Variants in MMP26 observed in about 807,000 individuals in gnomAD.
The protein encoded by MMP26 is matrix metalloproteinase-26.
MMP26 carries 33 observed loss-of-function variants against 31.0 expected under a neutral mutation model. The ratio of observed to expected loss-of-function variants is 1.06; its 90% CI spans 0.81 to 1.42. The LOEUF (loss-of-function observed/expected upper bound fraction) is 1.42. Ranked by LOEUF, MMP26 falls within the 40% of genes most tolerant of loss-of-function variation. MMP26 has a pLI of 0.00. For missense variants in MMP26, 347 were observed against 316.1 expected (o/e 1.10, Z -0.74); for synonymous variants, 122 against 114.9 (o/e 1.06, Z -0.40).
At chr11:4,713,427 C>G (rs941862447) in intron 1 of MMP26, among the ~76,000 whole-genome samples, 1 of 152,134 alleles carries the variant, frequency 6.6e-6, no homozygotes, top group Non-Finnish European at 1.5e-5. Context: ...ACACTCTGTG[C>G]TCCATTGTCT....
intron 2 of MMP26, among the ~76,000 whole-genome samples, chr11:4,778,783 T>A (rs1355168141): frequency 6.6e-6 from 1 of 152,122 alleles, no homozygotes; most frequent in Non-Finnish European, 1.5e-5. Flanking sequence ...TGATGATTAA[T>A]AGTTTTTTCT....
chr11:4,906,817 G>T (rs902087968), intron 2 of MMP26, among the ~76,000 whole-genome samples: 10 of 152,108 alleles, frequency 6.6e-5, no homozygotes, highest in African/African-American at 2.4e-4. Flanking sequence ...AGGGCCAGAT[G>T]CAGTGGCTCA....
chr11:4,739,034 T>C (rs1848279115), intron 1 of MMP26, among the ~76,000 whole-genome samples: 2 of 152,196 alleles, frequency 1.3e-5, no homozygotes, highest in Admixed American at 1.3e-4. Context: ...TATAGCTGAG[T>C]TGATATATAA....
intron 2 of MMP26, among the ~76,000 whole-genome samples, chr11:4,780,661 T>C (rs1392025687): frequency 6.6e-6 from 1 of 152,142 alleles, no homozygotes; most frequent in Non-Finnish European, 1.5e-5. Context: ...CAGCAGGTTC[T>C]TATAAAGCTA....
intron 2 of MMP26, among the ~76,000 whole-genome samples, chr11:4,815,826 G>A (rs1299925507): frequency 6.6e-6 from 1 of 152,166 alleles, no homozygotes; most frequent in Non-Finnish European, 1.5e-5. Context: ...TATGGCCTCA[G>A]ACAGGAGTGA....
intron 2 of MMP26, among the ~76,000 whole-genome samples, chr11:4,837,643 G>A (rs988133923): frequency 2.0e-5 from 3 of 152,008 alleles, no homozygotes; most frequent in African/African-American, 7.2e-5. Flanking sequence ...CTAAAATTAA[G>A]TAAAATTAGA....
intron 1 of MMP26, among the ~76,000 whole-genome samples, chr11:4,759,292 G>A (rs538099870): frequency 3.9e-5 from 6 of 152,190 alleles, no homozygotes; most frequent in South Asian, 2.1e-4. Context: ...GTTAGGCTGC[G>A]GGAAATCTGG....
In MMP26 at chr11:4,710,340, A is replaced by G. The variant is rs6578520; in HGVS notation, c.-217+5295A>G. 9.5e-3 allele frequency: 4,345 copies of G among 456,816 alleles called. 192 individuals are homozygous for G. Among genetic ancestry groups the G allele is most frequent in the African/African-American group, 0.079 (3,960 of 50,160 alleles). The allele number at this position is 456,816 out of a possible 1,614,324, so 28.3% of individuals were successfully genotyped here. Reference sequence around the variant, plus strand: ...AGTTGCCATCTTCTACATCCCCATGATCAGTTTGTCACCAGTGCACAGATT... The same window carrying G: ...AGTTGCCATCTTCTACATCCCCATGGTCAGTTTGTCACCAGTGCACAGATT... On this transcript the variant is annotated intron_variant, in intron 1 of 7. Coordinates refer to ENST00000380390, the MANE Select transcript of MMP26 (RefSeq NM_021801.5).
intron 2 of MMP26, among the ~76,000 whole-genome samples, chr11:4,817,386 C>T (rs957154851): frequency 4.6e-5 from 7 of 152,080 alleles, no homozygotes; most frequent in African/African-American, 1.7e-4. Flanking sequence ...AAGTTTGAGA[C>T]CAGCCTGGAC....
intron 2 of MMP26, chr11:4,804,649 T>A (rs1849239725): frequency 1.8e-6 from 1 of 558,478 alleles, no homozygotes; most frequent in African/African-American, 1.9e-5. Context: ...TTTTTAAGAA[T>A]CAATATTTTT....
intron 1 of MMP26, among the ~76,000 whole-genome samples, chr11:4,714,697 G>A (rs1189026104): frequency 6.6e-5 from 10 of 152,042 alleles, no homozygotes; most frequent in African/African-American, 2.4e-4. Context: ...TTGTATGACG[G>A]TATAACAATA....
In MMP26 at chr11:4,826,713, T is replaced by C. The variant is rs1268736714; in HGVS notation, c.-145+59372T>C. Among the ~76,000 whole-genome samples, 8 of 152,164 alleles carry C rather than the reference T, an allele frequency of 5.3e-5. No homozygotes were observed. In the East Asian group the frequency reaches 9.7e-4, roughly 18 times the overall value. On this transcript the variant is annotated intron_variant, in intron 2 of 7. Transcript: ENST00000380390. The stretch of plus-strand genomic sequence containing the variant: ...TGACAAATCTTAACATTGTACCAGC[T>C]AGCAAAACATTATAAGGCCCAACAT...
chr11:4,931,374 A>G (rs1851344634), intron 2 of MMP26, among the ~76,000 whole-genome samples: 1 of 152,050 alleles, frequency 6.6e-6, no homozygotes, highest in African/African-American at 2.4e-5. Flanking sequence ...ACCTGTGAAT[A>G]ATAGTTGACT....
chr11:4,989,797 G>C lies in MMP26; in HGVS notation c.249G>C (p.Gly83=). ...MHALLHQPHC[G]VPDGSDTSIS... is the part of the protein sequence containing the mutation. ...CTCTGCTACACCAGCCCCACTGTGG[G>C]GTGCCTGATGGGTCCGACACCTCCA... Residue 83 remains glycine (G), a synonymous_variant, in exon 4 of 8, where the codon GGG becomes GGC. Coordinates refer to ENST00000380390, the MANE Select transcript of MMP26 (RefSeq NM_021801.5). 6.2e-7 allele frequency: 1 copy of C among 1,613,698 alleles called. No homozygotes were observed. The highest frequency in any genetic ancestry group is 8.5e-7 in the Non-Finnish European group (1 of 1,180,038).
At chr11:4,953,868 A>C (rs1369233730) in intron 2 of MMP26, among the ~76,000 whole-genome samples, 1 of 124,988 alleles carries the variant, frequency 8.0e-6, no homozygotes, top group Non-Finnish European at 1.8e-5. Flanking sequence ...CCTGGCCAAC[A>C]TGGTGAAACC....
intron 2 of MMP26, among the ~76,000 whole-genome samples, chr11:4,977,103 A>G (rs1217787528): frequency 6.6e-6 from 1 of 151,266 alleles, no homozygotes; most frequent in Non-Finnish European, 1.5e-5. Context: ...AAATAAATGT[A>G]TTTTTACTGT....
chr11:4,829,506 C>A (rs1249303646), intron 2 of MMP26, among the ~76,000 whole-genome samples: 1 of 152,096 alleles, frequency 6.6e-6, no homozygotes, highest in African/African-American at 2.4e-5. Flanking sequence ...CAGAATTATA[C>A]AATTTATTTA....
intron 2 of MMP26, among the ~76,000 whole-genome samples, chr11:4,968,311 A>G (rs1382274920): frequency 6.6e-6 from 1 of 152,100 alleles, no homozygotes; most frequent in East Asian, 1.9e-4. Context: ...CAATGTTTCC[A>G]TGAAATTTAG....
chr11:4,806,869 A>G (rs1452516741), intron 2 of MMP26, among the ~76,000 whole-genome samples: 1 of 152,046 alleles, frequency 6.6e-6, no homozygotes, highest in East Asian at 1.9e-4. Flanking sequence ...CAGACTTTCC[A>G]AGCTGTTTTG....
Sources: allele counts gnomAD v4.1 joint callset (sites outside exome capture counted in the v4.1 genomes callset), GRCh38; gene constraint gnomAD v4.1.1; transcripts MANE v1.5; gene names NCBI Gene and HGNC (gene_info 2026-07-23, HGNC 2026-07-21).